Variants in IL17F observed in about 807,000 individuals in gnomAD.
The protein encoded by IL17F is interleukin 17F.
IL17F carries 6 observed loss-of-function variants against 8.3 expected under a neutral mutation model. The ratio of observed to expected loss-of-function variants is 0.73; its 90% CI spans 0.40 to 1.43. The LOEUF (loss-of-function observed/expected upper bound fraction) is 1.43, where lower values mean the gene tolerates loss of function less well. IL17F is among the 40% of genes most tolerant of loss of function. The pLI is 0.02. For synonymous variants in IL17F, 98 were observed against 81.6 expected (o/e 1.20, Z -1.08); for missense variants, 204 against 209.6 (o/e 0.97, Z 0.17).
At chr6:52,242,842 G>A (rs771566859) in intron 1 of IL17F, among the ~76,000 whole-genome samples, 42 of 151,666 alleles carry the variant, frequency 2.8e-4, no homozygotes, top group Admixed American at 9.9e-4. Flanking sequence ...ATTATCAGTC[G>A]TTGTTTATTA....
chr6:52,244,342 T>C (rs1764124227), intron 1 of IL17F, 55 bp downstream of exon 1: 1 of 1,550,130 alleles, frequency 6.5e-7, no homozygotes, highest in African/African-American at 1.4e-5. Flanking sequence ...AGGATTCTGT[T>C]TTCTGAAATC....
Position 52,237,141 on chromosome 6 carries a change from G to A in IL17F, c.282C>T (p.Pro94=). Residue 94 remains proline (P), a synonymous_variant, in exon 3 of 3, where the codon CCC becomes CCT. Transcript: ENST00000336123. ...YTVTWDPNRY[P]SEVVQAQCRN... is the part of the protein sequence containing the mutation. Reference sequence around the variant, plus strand: ...TACACTGGGCCTGTACAACTTCCGAGGGGTACCGGTTGGGGTCCCAAGTGA... The same window carrying A: ...TACACTGGGCCTGTACAACTTCCGAAGGGTACCGGTTGGGGTCCCAAGTGA... The A allele has an allele frequency of 1.2e-6, 2 of 1,614,076 alleles. No individual in the cohort carries two copies. The highest frequency in any genetic ancestry group is 1.7e-6 in the Non-Finnish European group (2 of 1,179,974).
chr6:52,238,967 G>T lies in IL17F; in HGVS notation c.34-17C>A. 6.2e-7 allele frequency: 1 copy of T among 1,606,876 alleles called. No homozygotes were observed. The highest frequency in any genetic ancestry group is 8.5e-7 in the Non-Finnish European group (1 of 1,174,850). ...GTACTTGACCTGGAAAATAGAAGAC[G>T]CTGCAATCAGTTAGAGACTCGCCTC... On this transcript the variant is annotated splice_polypyrimidine_tract_variant and intron_variant, in intron 1 of 2. Coordinates refer to ENST00000336123, the MANE Select transcript of IL17F (RefSeq NM_052872.4).
chr6:52,243,875 G>T (rs1198525048), intron 1 of IL17F, among the ~76,000 whole-genome samples: 1 of 152,114 alleles, frequency 6.6e-6, no homozygotes, highest in African/African-American at 2.4e-5. Flanking sequence ...CCATTCTCCT[G>T]CCTCAGCCTC....
intron 1 of IL17F, among the ~76,000 whole-genome samples, chr6:52,243,182 T>G (rs892221086): frequency 2.6e-5 from 4 of 152,210 alleles, no homozygotes; most frequent in Non-Finnish European, 5.9e-5. Flanking sequence ...CCATGAACCT[T>G]TTATGATATT....
chr6:52,237,231 GC>G, intron 2 of IL17F, 63 bp from the exon 3 acceptor site: 1 of 1,259,498 alleles, frequency 7.9e-7, no homozygotes, highest in Non-Finnish European at 1.2e-6. Context: ...GCGAATGAGA[GC>G]CCCACAGCAC....
rs58639265 is a variant in IL17F, at chr6:52,241,065, C to CGTTTGTTTGTTT, written c.34-2127_34-2116dup. Among the ~76,000 whole-genome samples the CGTTTGTTTGTTT allele has an allele frequency of 2.9e-3, 428 of 150,002 alleles. 3 individuals are homozygous for CGTTTGTTTGTTT. The highest frequency in any genetic ancestry group is 7.9e-3 in the South Asian group (37 of 4,712). ...ACCTTGTCTTGACAAACTGCTATGG[C>CGTTTGTTTGTTT]GTTTGTTTGTTTGTTTGTTTGTTTG... On this transcript the variant is annotated intron_variant, in intron 1 of 2. Coordinates refer to ENST00000336123, the MANE Select transcript of IL17F (RefSeq NM_052872.4).
At chr6:52,243,587 C>T (rs550167203) in intron 1 of IL17F, among the ~76,000 whole-genome samples, 2 of 152,276 alleles carry the variant, frequency 1.3e-5, no homozygotes, top group South Asian at 4.2e-4. Flanking sequence ...TGTACATAAT[C>T]CCTAAAGTGC....
chr6:52,238,949 AC>A lies in IL17F; in HGVS notation c.34del (p.Val12SerfsTer14). 1 of 1,612,792 alleles carries A rather than the reference AC, an allele frequency of 6.2e-7. No individual in the cohort carries two copies. The highest frequency in any genetic ancestry group is 8.5e-7 in the Non-Finnish European group (1 of 1,179,738). On this transcript the variant is annotated frameshift_variant and splice_region_variant, in exon 2 of 3. Transcript: ENST00000336123. LOFTEE classifies it high-confidence loss of function. ...CAATATCGACAGCAGCAAGTACTTG[AC>A]CTGGAAAATAGAAGACGCTGCAATC... ...TVKTLHGPAMVKYLLLSILGL... is the reference protein window; with the variant it reads ...TVKTLHGPAMXKYLLLSILGL...
intron 2 of IL17F, 93 bp from the exon 3 acceptor site, chr6:52,237,261 G>C: frequency 2.1e-6 from 2 of 954,712 alleles, no homozygotes; most frequent in Non-Finnish European, 3.3e-6. Context: ...CACCTGCAGG[G>C]AGGCAGTTCT....
At chr6:52,244,926 A>G (rs1165257214), upstream of IL17F, among the ~76,000 whole-genome samples, 1 of 152,186 alleles carries the variant, frequency 6.6e-6, no homozygotes, top group Non-Finnish European at 1.5e-5. Context: ...AACTATCTTT[A>G]CCTCCATTTT....
chr6:52,241,692 C>A (rs758163353), intron 1 of IL17F, among the ~76,000 whole-genome samples: 4 of 152,126 alleles, frequency 2.6e-5, no homozygotes, highest in Non-Finnish European at 5.9e-5. Flanking sequence ...TCACAACTAC[C>A]TGGTGAGGTA....
intron 1 of IL17F, among the ~76,000 whole-genome samples, chr6:52,240,310 G>A (rs558803238): frequency 2.0e-5 from 3 of 152,108 alleles, no homozygotes; most frequent in African/African-American, 4.8e-5. Flanking sequence ...GGTGGTGCAC[G>A]CCTGCAATCC....
chr6:52,245,617 G>A (rs1764146916), upstream of IL17F, among the ~76,000 whole-genome samples: 1 of 152,208 alleles, frequency 6.6e-6, no homozygotes, highest in African/African-American at 2.4e-5. Context: ...ATGAGTTACT[G>A]TTTACCTTTC....
chr6:52,242,348 G>A (rs1307877102), intron 1 of IL17F, among the ~76,000 whole-genome samples: 1 of 152,142 alleles, frequency 6.6e-6, no homozygotes. Flanking sequence ...AGCAATGTGT[G>A]GACACATGTA....
chr6:52,239,224 T>C (rs1764025949), intron 1 of IL17F: 1 of 448,152 alleles, frequency 2.2e-6, no homozygotes, highest in Non-Finnish European at 4.1e-6. Flanking sequence ...GGTCTGAGAT[T>C]GAGTTAAAAT....
Position 52,237,155 on chromosome 6 carries a change from G to A in IL17F, c.268C>T (p.Pro90Ser), listed in dbSNP as rs1336113595. The A allele has an allele frequency of 6.2e-7, 1 of 1,613,798 alleles. No homozygotes were observed. Among genetic ancestry groups the A allele is most frequent in the South Asian group, 1.1e-5 (1 of 91,004 alleles). Reference protein sequence around the residue: ...SPWNYTVTWDPNRYPSEVVQA... With the variant: ...SPWNYTVTWDSNRYPSEVVQA... ...ACAACTTCCGAGGGGTACCGGTTGG[G>A]GTCCCAAGTGACACTGCAGGAGGAG... The change falls in exon 3 of 3, where the codon CCC becomes TCC. Residue 90 changes from proline (P) to serine (S), a missense_variant. Transcript: ENST00000336123.
intron 1 of IL17F, among the ~76,000 whole-genome samples, chr6:52,242,231 G>T (rs1446420823): frequency 6.6e-6 from 1 of 152,198 alleles, no homozygotes; most frequent in Non-Finnish European, 1.5e-5. Flanking sequence ...GAAAGCACCA[G>T]GTGAAGGTGA....
chr6:52,245,603 A>G (rs1355459172), upstream of IL17F, among the ~76,000 whole-genome samples: 1 of 152,242 alleles, frequency 6.6e-6, no homozygotes, highest in African/African-American at 2.4e-5. Flanking sequence ...CTCCCAGCAC[A>G]GGGATGAGTT....
Sources: gnomAD v4.1 joint callset for allele counts (sites outside exome capture counted in the v4.1 genomes callset) on GRCh38, gnomAD v4.1.1 for gene constraint, MANE v1.5 for transcripts, NCBI Gene and HGNC (gene_info 2026-07-23, HGNC 2026-07-21) for gene names.